ATXN1: variants seen among roughly 807,000 people sequenced by gnomAD.
ATXN1 encodes ataxin-1.
In ATXN1, 8 loss-of-function variants were observed where a neutral mutation model predicts 56.4. That is an observed-to-expected ratio of 0.14 (90% CI 0.08 to 0.26). The LOEUF (loss-of-function observed/expected upper bound fraction) is 0.26. ATXN1 is among the 10% of genes least tolerant of loss of function. The probability of loss-of-function intolerance (pLI) is 1.00; values close to 1 mark genes in which losing one functional copy is unlikely to be tolerated. For synonymous variants in ATXN1, 514 were observed against 494.6 expected (o/e 1.04, Z -0.52); for missense variants, 987 against 1,106.5 (o/e 0.89, Z 1.53).
intron 6 of ATXN1, among the ~76,000 whole-genome samples, chr6:16,448,124 T>C (rs1226153423): frequency 6.6e-6 from 1 of 152,226 alleles, no homozygotes. Flanking sequence ...AGGCCCTACA[T>C]GATCTGACCC....
intron 7 of ATXN1, among the ~76,000 whole-genome samples, chr6:16,325,994 C>T (rs1760794565): frequency 6.6e-6 from 1 of 152,114 alleles, no homozygotes; most frequent in Admixed American, 6.6e-5. Flanking sequence ...GCATCTAATC[C>T]CCTCACTCCA....
chr6:16,728,873 T>G (rs1458981757), intron 2 of ATXN1, among the ~76,000 whole-genome samples: 1 of 152,088 alleles, frequency 6.6e-6, no homozygotes, highest in African/African-American at 2.4e-5. Flanking sequence ...AGCTTGGCAT[T>G]CCCTTCCCCG....
chr6:16,413,651 A>T (rs1008401263), intron 6 of ATXN1, among the ~76,000 whole-genome samples: 1 of 152,236 alleles, frequency 6.6e-6, no homozygotes, highest in Non-Finnish European at 1.5e-5. Context: ...TGAATCGGCA[A>T]TGTGGGCCTC....
chr6:16,599,835 A>C (rs1000496812), intron 3 of ATXN1, among the ~76,000 whole-genome samples: 10 of 152,230 alleles, frequency 6.6e-5, no homozygotes, highest in Admixed American at 6.5e-4. Context: ...TCAAGACATC[A>C]GCCCTTCTGT....
chr6:16,509,829 C>T (rs1288425069), intron 5 of ATXN1, among the ~76,000 whole-genome samples: 1 of 152,190 alleles, frequency 6.6e-6, no homozygotes, highest in East Asian at 1.9e-4. Context: ...TACAATATGG[C>T]TTCCACTTAC....
At chr6:16,330,069 TTTTCTTTCTTTC>T (rs10588280) in intron 6 of ATXN1, among the ~76,000 whole-genome samples, 4 of 151,310 alleles carry the variant, frequency 2.6e-5, no homozygotes, top group Non-Finnish European at 5.9e-5. Flanking sequence ...AATGATCTGA[TTTTCTTTCTTTC>T]TTTCTTTCTT....
chr6:16,695,764 GC>G (rs1456531987), intron 2 of ATXN1, among the ~76,000 whole-genome samples: 1 of 152,118 alleles, frequency 6.6e-6, no homozygotes, highest in Non-Finnish European at 1.5e-5. Context: ...TAAAAATGCA[GC>G]CTGGGCAATG....
intron 7 of ATXN1, among the ~76,000 whole-genome samples, chr6:16,314,889 G>C (rs942366920): frequency 6.6e-6 from 1 of 152,132 alleles, no homozygotes; most frequent in African/African-American, 2.4e-5. Context: ...GGGATTACAG[G>C]TGTGAGCCAC....
chr6:16,501,028 T>C (rs1760875604), intron 5 of ATXN1, among the ~76,000 whole-genome samples: 2 of 152,216 alleles, frequency 1.3e-5, no homozygotes, highest in Non-Finnish European at 1.5e-5. Context: ...ATGGTAGAAA[T>C]TGGGAAGTGA....
chr6:16,345,643 T>C (rs909940817), intron 6 of ATXN1, among the ~76,000 whole-genome samples: 4 of 152,186 alleles, frequency 2.6e-5, no homozygotes, highest in African/African-American at 9.7e-5. Flanking sequence ...GCCCAGCAAG[T>C]GGGAAGCCTA....
At chr6:16,578,655 T>C (rs1311714372) in intron 4 of ATXN1, among the ~76,000 whole-genome samples, 2 of 151,962 alleles carry the variant, frequency 1.3e-5, no homozygotes, top group East Asian at 3.8e-4. Context: ...CACTATCTTA[T>C]GCAGGGGGCA....
Position 16,306,506 on chromosome 6 carries a change from G to C in ATXN1, c.2271C>G (p.Phe757Leu). The C allele has an allele frequency of 6.2e-7, 1 of 1,614,196 alleles. No homozygotes were observed. The highest frequency in any genetic ancestry group is 2.2e-5 in the East Asian group (1 of 44,884). Residue 757 changes from phenylalanine to leucine, a missense_variant, in exon 8 of 8, where the codon TTC becomes TTG. Transcript: ENST00000436367. This position sits in a 1 kb window ranked among gnomAD's most constrained non-coding sequence, Gnocchi z 5.2. ...PEKMGLPAAPFLTKIEPSKPA... is the reference protein window; with the variant it reads ...PEKMGLPAAPLLTKIEPSKPA... The stretch of plus-strand genomic sequence containing the variant: ...GCTTGCTGGGTTCTATTTTGGTGAG[G>C]AAGGGCGCTGCAGGCAATCCCATTT...
intron 4 of ATXN1, among the ~76,000 whole-genome samples, chr6:16,567,694 C>T (rs961167679): frequency 1.3e-5 from 2 of 151,870 alleles, no homozygotes; most frequent in African/African-American, 2.4e-5. Flanking sequence ...CCTGAGAAGG[C>T]ATATCTCCAG....
intron 4 of ATXN1, among the ~76,000 whole-genome samples, chr6:16,582,543 C>A (rs560195969): frequency 5.3e-5 from 8 of 152,146 alleles, no homozygotes; most frequent in African/African-American, 1.9e-4. Context: ...TGGGACTTTG[C>A]GAACTAAGAT....
chr6:16,428,444 T>C (rs1227813582), intron 6 of ATXN1, among the ~76,000 whole-genome samples: 1 of 151,652 alleles, frequency 6.6e-6, no homozygotes, highest in Non-Finnish European at 1.5e-5. Context: ...TAGCAAATAC[T>C]GGGTTGGTGC....
At chr6:16,601,621 C>T (rs922551158) in intron 3 of ATXN1, among the ~76,000 whole-genome samples, 10 of 152,128 alleles carry the variant, frequency 6.6e-5, no homozygotes, top group African/African-American at 1.9e-4. Flanking sequence ...GAGGCCGAGG[C>T]GGGCGGACCA....
At chr6:16,749,005 T>G (rs1032280270) in intron 2 of ATXN1, among the ~76,000 whole-genome samples, 1 of 152,238 alleles carries the variant, frequency 6.6e-6, no homozygotes, top group African/African-American at 2.4e-5. Flanking sequence ...ATTCACCAAT[T>G]CTATATCTCT....
intron 5 of ATXN1, among the ~76,000 whole-genome samples, chr6:16,518,455 T>C (rs1761226930): frequency 6.6e-6 from 1 of 152,154 alleles, no homozygotes; most frequent in African/African-American, 2.4e-5. Context: ...CTCAAAACTT[T>C]CCTGCAGGTG....
intron 6 of ATXN1, among the ~76,000 whole-genome samples, chr6:16,463,075 G>A (rs1049311703): frequency 1.3e-5 from 2 of 151,878 alleles, no homozygotes; most frequent in Non-Finnish European, 2.9e-5. Context: ...TTCTCCAATG[G>A]GAAAATAGAG....
Sources: allele counts gnomAD v4.1 joint callset (sites outside exome capture counted in the v4.1 genomes callset), GRCh38; gene constraint gnomAD v4.1.1; non-coding constraint Gnocchi (gnomAD v3.1); transcripts MANE v1.5; gene names NCBI Gene and HGNC (gene_info 2026-07-23, HGNC 2026-07-21).